The following COLGALT2 variants were observed in gnomAD, a reference collection of about 807,000 sequenced individuals.
The protein encoded by COLGALT2 is procollagen galactosyltransferase 2.
COLGALT2 carries 49 observed loss-of-function variants against 73.4 expected under a neutral mutation model. The ratio of observed to expected loss-of-function variants is 0.67; its 90% CI spans 0.53 to 0.85. The LOEUF (loss-of-function observed/expected upper bound fraction) is 0.85, where lower values mean the gene tolerates loss of function less well. COLGALT2 is among the 40% of genes least tolerant of loss of function. The pLI, the probability that COLGALT2 is intolerant of heterozygous loss-of-function variation, is 0.00. For synonymous variants in COLGALT2, 295 were observed against 307.6 expected (o/e 0.96, Z 0.43); for missense variants, 722 against 790.2 (o/e 0.91, Z 1.03).
intron 1 of COLGALT2, among the ~76,000 whole-genome samples, chr1:183,991,444 A>AC (rs1671626193): frequency 6.6e-6 from 1 of 152,184 alleles, no homozygotes; most frequent in Non-Finnish European, 1.5e-5. Context: ...AAAAGTATAA[A>AC]TTTACAAACT....
At chr1:184,003,482 A>G (rs895283294) in intron 1 of COLGALT2, among the ~76,000 whole-genome samples, 1 of 147,768 alleles carries the variant, frequency 6.8e-6, no homozygotes, top group African/African-American at 2.4e-5. Flanking sequence ...TCCAGGGACC[A>G]GTCATGGGAG....
intron 1 of COLGALT2, among the ~76,000 whole-genome samples, chr1:183,988,693 A>G (rs1671552986): frequency 6.6e-6 from 1 of 152,186 alleles, no homozygotes; most frequent in Non-Finnish European, 1.5e-5. Context: ...TGGCTAAATA[A>G]TGTTCCATAG....
rs568441676 is a variant in COLGALT2 at position 183,994,191 on chromosome 1, A to C, written c.264-15671T>G. On this transcript the variant is annotated intron_variant, in intron 1 of 11. Coordinates refer to ENST00000361927, the MANE Select transcript of COLGALT2 (RefSeq NM_015101.4). ...GTAGCTGGGACTACAGGCACCCGCC[A>C]CCACACTCTACTAATTTTTTGTATT... 7.9e-5 allele frequency among the ~76,000 whole-genome samples: 12 copies of C among 151,234 alleles called. No individual in the cohort carries two copies. The South Asian group carries it at 2.5e-3, about 32-fold the overall frequency.
chr1:183,992,726 A>T (rs1053795164), intron 1 of COLGALT2, among the ~76,000 whole-genome samples: 1 of 152,138 alleles, frequency 6.6e-6, no homozygotes, highest in Non-Finnish European at 1.5e-5. Context: ...CTTGCTCCAG[A>T]TTTCATCTGG....
chr1:183,989,702 G>A (rs569711660), intron 1 of COLGALT2, among the ~76,000 whole-genome samples: 3 of 152,256 alleles, frequency 2.0e-5, no homozygotes, highest in African/African-American at 4.8e-5. Flanking sequence ...TTTTGCTAAC[G>A]ACATCCTTAA....
chr1:183,995,030 T>C lies in COLGALT2; in HGVS notation c.264-16510A>G, dbSNP rs190379848. 3.3e-5 allele frequency among the ~76,000 whole-genome samples: 5 copies of C among 152,316 alleles called. No homozygotes were observed. The East Asian group carries it at 9.6e-4, about 29-fold the overall frequency. On this transcript the variant is annotated intron_variant, in intron 1 of 11. Coordinates refer to ENST00000361927, the MANE Select transcript of COLGALT2 (RefSeq NM_015101.4). ...AATTACTTAACATCTCTATAAGCCT[T>C]AGTTTCCACATTTGCATTGTTGTAA...
intron 2 of COLGALT2, among the ~76,000 whole-genome samples, chr1:183,977,835 A>AG (rs56877220): frequency 0.015 from 2,280 of 150,622 alleles, 76 homozygotes; most frequent in African/African-American, 0.053. Flanking sequence ...AGAGAGAGAG[A>AG]AAGAAGAGAA....
intron 1 of COLGALT2, among the ~76,000 whole-genome samples, chr1:184,010,372 A>G (rs561923334): frequency 1.1e-4 from 16 of 152,310 alleles, no homozygotes; most frequent in African/African-American, 2.9e-4. Context: ...GGTTTTACCA[A>G]CTGTGTCTAC....
intron 1 of COLGALT2, among the ~76,000 whole-genome samples, chr1:183,983,555 G>T (rs1671409865): frequency 6.6e-6 from 1 of 152,190 alleles, no homozygotes; most frequent in Non-Finnish European, 1.5e-5. Context: ...GAAACCCGAG[G>T]CTGGTGCTAA....
At chr1:183,948,556 T>C (rs1472460206) in intron 8 of COLGALT2, among the ~76,000 whole-genome samples, 1 of 152,120 alleles carries the variant, frequency 6.6e-6, no homozygotes, top group African/African-American at 2.4e-5. Flanking sequence ...AAAATAGGAC[T>C]AAAAGGGACC....
At chr1:183,958,315 A>C (rs1030870224) in intron 6 of COLGALT2, among the ~76,000 whole-genome samples, 8 of 152,168 alleles carry the variant, frequency 5.3e-5, no homozygotes, top group African/African-American at 1.9e-4. Flanking sequence ...GATGCCTGAT[A>C]AAACCCTAAT....
chr1:184,016,278 C>T lies in COLGALT2; in HGVS notation c.263+20817G>A, dbSNP rs191032236. 6.8e-4 allele frequency among the ~76,000 whole-genome samples: 103 copies of T among 152,238 alleles called. 3 individuals carry two copies. The East Asian group carries it at 0.018, about 27-fold the overall frequency. On this transcript the variant is annotated intron_variant, in intron 1 of 11. Coordinates refer to ENST00000361927, the MANE Select transcript of COLGALT2 (RefSeq NM_015101.4). ...TGGGACTTCTCATGCTAAGAATTGT[C>T]TAAGTCAATGCGGCAAAAGCAGCCA...
intron 5 of COLGALT2, among the ~76,000 whole-genome samples, chr1:183,966,645 A>G (rs945523367): frequency 3.3e-5 from 5 of 152,180 alleles, no homozygotes; most frequent in African/African-American, 1.2e-4. Flanking sequence ...CATTGCCCAT[A>G]TCACTCACCT....
intron 11 of COLGALT2, 144 bp downstream of exon 11, chr1:183,940,437 T>C (rs1670075500): frequency 1.3e-6 from 1 of 769,096 alleles, no homozygotes; most frequent in African/African-American, 1.7e-5. Flanking sequence ...ATCACCTGAG[T>C]TAGGCTCTCT....
At position 183,978,486 on chromosome 1, in the gene COLGALT2, C is replaced by T. The variant is rs749692817; in HGVS notation, c.298G>A (p.Glu100Lys). The T allele has an allele frequency of 6.8e-6, 11 of 1,611,434 alleles. No individual in the cohort carries two copies. The Admixed American group carries it at 8.3e-5, about 12-fold the overall frequency. Reference sequence around the variant, plus strand: ...TTTTTCAACCACTCCCTGAATATTTCTGTTGTATTATCCACATTGTGATCA... The same window carrying T: ...TTTTTCAACCACTCCCTGAATATTTTTGTTGTATTATCCACATTGTGATCA... ...ATDHNVDNTT[E>K]IFREWLKNVQ... The change falls in exon 2 of 12, where the codon GAA becomes AAA. Residue 100 changes from glutamate (E) to lysine (K), a missense_variant. Physicochemically the swap from Glu to Lys is moderately conservative, Grantham distance 56 (BLOSUM62 1). Coordinates refer to ENST00000361927, the MANE Select transcript of COLGALT2 (RefSeq NM_015101.4).
chr1:183,972,874 T>C (rs1426535708), intron 4 of COLGALT2, among the ~76,000 whole-genome samples: 1 of 152,142 alleles, frequency 6.6e-6, no homozygotes, highest in Non-Finnish European at 1.5e-5. Flanking sequence ...TAATTTTTTA[T>C]ATTTTTAGTA....
chr1:183,939,555 TG>T (rs1275302344), intron 11 of COLGALT2, among the ~76,000 whole-genome samples: 1 of 152,214 alleles, frequency 6.6e-6, no homozygotes, highest in Non-Finnish European at 1.5e-5. Context: ...GCAGAGTACA[TG>T]AGGTGACATC....
intron 1 of COLGALT2, among the ~76,000 whole-genome samples, chr1:184,014,379 A>G (rs1572677980): frequency 6.6e-6 from 1 of 152,364 alleles, no homozygotes; most frequent in East Asian, 1.9e-4. Flanking sequence ...CAGAAAGGGG[A>G]CTGAAGAGAA....
intron 10 of COLGALT2, among the ~76,000 whole-genome samples, chr1:183,941,160 T>C (rs1032922686): frequency 1.3e-5 from 2 of 152,242 alleles, no homozygotes; most frequent in African/African-American, 4.8e-5. Context: ...GGGAGAATCC[T>C]GAGGCTGCTG....
Sources: gnomAD v4.1 joint callset for allele counts (sites outside exome capture counted in the v4.1 genomes callset) on GRCh38, gnomAD v4.1.1 for gene constraint, MANE v1.5 for transcripts, NCBI Gene and HGNC (gene_info 2026-07-23, HGNC 2026-07-21) for gene names.